Variants in GPC5 observed in about 807,000 individuals in gnomAD.
GPC5 encodes glypican-5.
Under a neutral mutation model 53.9 loss-of-function variants are expected in GPC5, and 47 were observed. The observed-to-expected ratio is 0.87, with a 90% CI of 0.69 to 1.11. The LOEUF (loss-of-function observed/expected upper bound fraction) is 1.11, where lower values mean the gene tolerates loss of function less well. Among genes scored for constraint, GPC5 ranks in the 50% most tolerant of loss-of-function variants. The probability of loss-of-function intolerance (pLI) is 0.00; values close to 1 mark genes in which losing one functional copy is unlikely to be tolerated. For missense variants in GPC5, 748 were observed against 713.1 expected (o/e 1.05, Z -0.56); for synonymous variants, 286 against 263.3 (o/e 1.09, Z -0.84).
At chr13:91,964,076 T>C (rs1164820166) in intron 6 of GPC5, among the ~76,000 whole-genome samples, 1 of 152,160 alleles carries the variant, frequency 6.6e-6, no homozygotes, top group Non-Finnish European at 1.5e-5. Context: ...TTCTTAAAGA[T>C]GGTGTGTCCA....
intron 7 of GPC5, among the ~76,000 whole-genome samples, chr13:92,838,357 AC>A (rs1422943811): frequency 6.6e-6 from 1 of 151,566 alleles, no homozygotes; most frequent in Non-Finnish European, 1.5e-5. Context: ...GGTGGTGGGC[AC>A]TTGTAGTCCC....
intron 7 of GPC5, among the ~76,000 whole-genome samples, chr13:92,525,479 T>A (rs983552931): frequency 1.0e-4 from 15 of 144,658 alleles, no homozygotes; most frequent in African/African-American, 3.1e-4. Flanking sequence ...TGTGTGTGTG[T>A]GAAACAACCA....
intron 7 of GPC5, among the ~76,000 whole-genome samples, chr13:92,738,306 T>C (rs926526934): frequency 6.6e-6 from 1 of 152,108 alleles, no homozygotes; most frequent in Non-Finnish European, 1.5e-5. Context: ...TCTAATTATT[T>C]TCTTTTTTAT....
chr13:92,523,825 G>T (rs1426960672), intron 7 of GPC5, among the ~76,000 whole-genome samples: 6 of 117,466 alleles, frequency 5.1e-5, no homozygotes, highest in East Asian at 3.1e-4. Context: ...CACACAAGTT[G>T]TTTCCCATGC....
chr13:91,967,480 T>A (rs2040192058), intron 6 of GPC5, among the ~76,000 whole-genome samples: 1 of 152,094 alleles, frequency 6.6e-6, no homozygotes, highest in Non-Finnish European at 1.5e-5. Context: ...CCTATAATTT[T>A]AAAACATATT....
At chr13:91,915,248 C>A (rs773954643) in intron 6 of GPC5, among the ~76,000 whole-genome samples, 1 of 152,130 alleles carries the variant, frequency 6.6e-6, no homozygotes, top group Non-Finnish European at 1.5e-5. Context: ...TTTCAATGGT[C>A]ATCTAATTTA....
Position 91,448,752 on chromosome 13 carries a change from G to T in GPC5, c.164-9G>T, listed in dbSNP as rs772412094. 1 of 1,608,612 alleles carries T rather than the reference G, an allele frequency of 6.2e-7. No homozygotes were observed. Among genetic ancestry groups the T allele is most frequent in the South Asian group, 1.1e-5 (1 of 90,188 alleles). ...AGGTAATCATTCTGAAAAATGTTGT[G>T]TGTTCCAGGACCTGATCTTCAGGTT... is the stretch of plus-strand genomic sequence containing the variant. On this transcript the variant is annotated splice_polypyrimidine_tract_variant and intron_variant, in intron 1 of 7. Transcript: ENST00000377067.
At chr13:92,577,864 T>C (rs1180574951) in intron 7 of GPC5, among the ~76,000 whole-genome samples, 1 of 152,020 alleles carries the variant, frequency 6.6e-6, no homozygotes, top group Non-Finnish European at 1.5e-5. Flanking sequence ...CAGAAAAAAA[T>C]TTTAAAAAAT....
chr13:92,482,765 A>G (rs189901535), intron 7 of GPC5, among the ~76,000 whole-genome samples: 1 of 152,334 alleles, frequency 6.6e-6, no homozygotes, highest in Admixed American at 6.5e-5. Context: ...AAAATGAGCA[A>G]ATAGTTCTCA....
chr13:91,643,302 A>T (rs1452265657), intron 2 of GPC5, among the ~76,000 whole-genome samples: 1 of 152,182 alleles, frequency 6.6e-6, no homozygotes, highest in African/African-American at 2.4e-5. Context: ...AAAGAGCACA[A>T]GTTCTGTAAG....
At chr13:91,747,338 G>A (rs1242078277) in intron 4 of GPC5, among the ~76,000 whole-genome samples, 1 of 152,122 alleles carries the variant, frequency 6.6e-6, no homozygotes, top group African/African-American at 2.4e-5. Flanking sequence ...TTCTGGCACT[G>A]TTGGCCTCAA....
intron 1 of GPC5, among the ~76,000 whole-genome samples, chr13:91,428,165 C>G (rs1415916799): frequency 6.6e-6 from 1 of 152,146 alleles, no homozygotes. Flanking sequence ...GTGAGTGTTA[C>G]AGCTCCTTCA....
chr13:92,141,800 G>A (rs769872895), intron 6 of GPC5, among the ~76,000 whole-genome samples: 7 of 152,068 alleles, frequency 4.6e-5, no homozygotes, highest in Non-Finnish European at 8.8e-5. Context: ...TCCCAAGCTC[G>A]TCTAGGTTGT....
chr13:92,428,099 G>A lies in GPC5; in HGVS notation c.1561+283110G>A, dbSNP rs745656194. Among the ~76,000 whole-genome samples the A allele has an allele frequency of 5.9e-5, 9 of 151,996 alleles. No homozygotes were observed. In the South Asian group the frequency reaches 6.2e-4, roughly 11 times the overall value. ...AAAGAGAAAGAGTCCTATTACTACC[G>A]TGGTCAACAGATATAAATACATAGA... On this transcript the variant is annotated intron_variant, in intron 7 of 7. Coordinates refer to ENST00000377067, the MANE Select transcript of GPC5 (RefSeq NM_004466.6).
intron 4 of GPC5, among the ~76,000 whole-genome samples, chr13:91,731,407 C>T (rs1449973238): frequency 6.6e-6 from 1 of 152,154 alleles, no homozygotes; most frequent in Non-Finnish European, 1.5e-5. Flanking sequence ...TCAGCAATTC[C>T]ACAGGGATAT....
intron 5 of GPC5, among the ~76,000 whole-genome samples, chr13:91,758,996 C>T (rs1459573165): frequency 6.6e-6 from 1 of 152,230 alleles, no homozygotes; most frequent in Admixed American, 6.5e-5. Context: ...ACTCCTACCA[C>T]CTCTAAGGCT....
intron 6 of GPC5, among the ~76,000 whole-genome samples, chr13:92,037,118 T>A (rs2040899615): frequency 6.6e-6 from 1 of 152,146 alleles, no homozygotes; most frequent in African/African-American, 2.4e-5. Context: ...TTCTAAGGAC[T>A]TTTATATTCT....
rs1045430599 is a variant in GPC5, at chr13:91,986,347, C to G, written c.1401+78290C>G. On this transcript the variant is annotated intron_variant, in intron 6 of 7. Coordinates refer to ENST00000377067, the MANE Select transcript of GPC5 (RefSeq NM_004466.6). ...CCCAAAGTGCTGGGATTACAGGCGTCAGCCACCACGCCCGGCCGCCAATAC... is the reference window on the plus strand; with the variant it reads ...CCCAAAGTGCTGGGATTACAGGCGTGAGCCACCACGCCCGGCCGCCAATAC... 4.6e-5 allele frequency among the ~76,000 whole-genome samples: 7 copies of G among 152,146 alleles called. No homozygotes were observed. In the East Asian group the frequency reaches 1.4e-3, roughly 29 times the overall value.
intron 6 of GPC5, among the ~76,000 whole-genome samples, chr13:92,031,560 CTTTT>C (rs1055442643): frequency 1.3e-5 from 2 of 148,610 alleles, no homozygotes; most frequent in South Asian, 2.1e-4. Context: ...TTCTTTCTTT[CTTTT>C]TTTATTATGG....
Sources: gnomAD v4.1 joint callset for allele counts (sites outside exome capture counted in the v4.1 genomes callset) on GRCh38, gnomAD v4.1.1 for gene constraint, MANE v1.5 for transcripts, NCBI Gene and HGNC (gene_info 2026-07-23, HGNC 2026-07-21) for gene names.